Variants in RPS6KA6 observed in about 807,000 individuals in gnomAD.
RPS6KA6 encodes ribosomal protein S6 kinase alpha-6.
In RPS6KA6, 27 loss-of-function variants were observed where a neutral mutation model predicts 65.4. The ratio of observed to expected loss-of-function variants is 0.41; its 90% CI spans 0.30 to 0.57. The LOEUF (loss-of-function observed/expected upper bound fraction) is 0.57. Among genes scored for constraint, RPS6KA6 ranks in the 20% least tolerant of loss-of-function variants. RPS6KA6 has a pLI of 0.24. For synonymous variants in RPS6KA6, 190 were observed against 184.2 expected (o/e 1.03, Z -0.26); for missense variants, 486 against 555.6 (o/e 0.87, Z 1.26).
Position 84,125,793 on chromosome X carries a change from G to C in RPS6KA6, c.647-5766C>G, listed in dbSNP as rs891318391. 1.4e-4 allele frequency among the ~76,000 whole-genome samples: 16 copies of C among 110,508 alleles called. No individual in the cohort carries two copies. The Admixed American group carries it at 1.6e-3, about 11-fold the overall frequency. ...GGCGTGAACCCGGGAGGTGGAGCTT[G>C]CAGTGAGCCAAGATTGCACCACTTC... On this transcript the variant is annotated intron_variant, in intron 8 of 21. Transcript: ENST00000262752.
intron 20 of RPS6KA6, among the ~76,000 whole-genome samples, chrX:84,090,371 A>T (rs2034019266): frequency 8.9e-6 from 1 of 112,086 alleles, no homozygotes; most frequent in African/African-American, 3.2e-5. Flanking sequence ...GGCATTTGAA[A>T]ACTGTGGTAC....
chrX:84,188,004 CGCCGCG>C lies in RPS6KA6; in HGVS notation c.-111_-106del. ...CCGCCGCCGCCGCCGCCGCCGCCGC[CGCCGCG>C]ACCCCCAGCCCCGCCTTCAGCGAGC... On this transcript the variant is annotated 5_prime_UTR_variant, in exon 1 of 22. Coordinates refer to ENST00000262752, the MANE Select transcript of RPS6KA6 (RefSeq NM_014496.5). The C allele has an allele frequency of 1.7e-6, 1 of 594,390 alleles. No homozygotes were observed. The allele number at this position is 594,390 out of a possible 1,213,427, so 49.0% of individuals were successfully genotyped here.
chrX:84,117,428 T>C lies in RPS6KA6; in HGVS notation c.816A>G (p.Pro272=). 8.5e-7 allele frequency: 1 copy of C among 1,170,124 alleles called. No homozygotes were observed. ...TCTCATTTCTGTCTTTACCTTGAAA[T>C]GGCAGAGTACCAGTAAGCATTTCAA... ...LMFEMLTGTL[P]FQGKDRNETM... Residue 272 remains proline (P), a synonymous_variant, in exon 10 of 22, where the codon CCA becomes CCG. Transcript: ENST00000262752.
At chrX:84,089,590 T>A (rs2034000786) in intron 20 of RPS6KA6, among the ~76,000 whole-genome samples, 2 of 110,424 alleles carry the variant, frequency 1.8e-5, no homozygotes, top group African/African-American at 6.6e-5. Context: ...AAGGCCCTGG[T>A]GGCATGGGCT....
chrX:84,154,516 T>C (rs1343296317), intron 3 of RPS6KA6, among the ~76,000 whole-genome samples: 3 of 111,669 alleles, frequency 2.7e-5, no homozygotes, highest in Admixed American at 9.6e-5. Context: ...TCTGTTCTTC[T>C]AAAATTAACA....
chrX:84,133,370 G>C (rs2034937013), intron 8 of RPS6KA6, among the ~76,000 whole-genome samples: 1 of 111,605 alleles, frequency 9.0e-6, no homozygotes, highest in Admixed American at 9.5e-5. Context: ...AGAAATGTTT[G>C]TGCCATTGCA....
At chrX:84,175,999 T>C (rs1256646456) in intron 1 of RPS6KA6, among the ~76,000 whole-genome samples, 1 of 112,081 alleles carries the variant, frequency 8.9e-6, no homozygotes, top group African/African-American at 3.2e-5. Flanking sequence ...GACTAGTAGT[T>C]GTACTACTAT....
At chrX:84,068,187 C>A (rs191220186) in intron 20 of RPS6KA6, among the ~76,000 whole-genome samples, 36 of 111,312 alleles carry the variant, frequency 3.2e-4, no homozygotes, top group African/African-American at 1.1e-3. Context: ...AGACCAATGA[C>A]AATATGAGGA....
chrX:84,177,382 T>C (rs752635809), intron 1 of RPS6KA6, among the ~76,000 whole-genome samples: 5 of 111,666 alleles, frequency 4.5e-5, no homozygotes. Context: ...TATTATATGC[T>C]ACTGTTATCC....
At chrX:84,155,033 C>A (rs1179773120) in intron 3 of RPS6KA6, among the ~76,000 whole-genome samples, 1 of 109,557 alleles carries the variant, frequency 9.1e-6, no homozygotes, top group Non-Finnish European at 1.9e-5. Flanking sequence ...AACCTTGTGT[C>A]CAGAAATTTT....
At position 84,061,677 on chromosome X, in the gene RPS6KA6, TC is replaced by T. The variant is rs1247594949; in HGVS notation, c.*2599del. On this transcript the variant is annotated 3_prime_UTR_variant, in exon 22 of 22. Transcript: ENST00000262752. ...TCTAAGAAAAACAAATTCAATATCC[TC>T]CCCCTTCAAGAACAATAAAACCCCA... 9.3e-6 allele frequency: 1 copy of T among 107,757 alleles called. No individual in the cohort carries two copies. The highest frequency in any genetic ancestry group is 1.0e-4 in the Admixed American group (1 of 9,901). 8.9% of individuals were successfully genotyped at this position (107,757 alleles called of 1,213,427 possible).
At chrX:84,164,192 G>A (rs2035562021) in intron 2 of RPS6KA6, 136 bp downstream of exon 2, 1 of 489,699 alleles carries the variant, frequency 2.0e-6, no homozygotes, top group Non-Finnish European at 3.5e-6. Flanking sequence ...AACTGCAGTT[G>A]AGTTATTAAT....
chrX:84,150,653 G>A (rs148272894), intron 3 of RPS6KA6, among the ~76,000 whole-genome samples: 140 of 108,527 alleles, frequency 1.3e-3, no homozygotes, highest in Middle Eastern at 4.7e-3. Context: ...TTATGTGTGC[G>A]TGGTTCATGG....
chrX:84,136,100 T>C (rs769735222), intron 6 of RPS6KA6, among the ~76,000 whole-genome samples: 122 of 111,983 alleles, frequency 1.1e-3, no homozygotes, highest in Non-Finnish European at 1.8e-3. Context: ...TTATTATAGG[T>C]TTACATCTAA....
intron 8 of RPS6KA6, among the ~76,000 whole-genome samples, chrX:84,123,444 T>C (rs1309691499): frequency 8.9e-6 from 1 of 112,505 alleles, no homozygotes; most frequent in African/African-American, 3.2e-5. Context: ...CTGGGGCATA[T>C]GGGAGCCCAG....
intron 1 of RPS6KA6, among the ~76,000 whole-genome samples, chrX:84,179,546 A>T (rs1247761867): frequency 1.8e-5 from 2 of 111,995 alleles, no homozygotes; most frequent in Non-Finnish European, 3.8e-5. Context: ...ATGAATAAAG[A>T]CCAAATAAAA....
intron 1 of RPS6KA6, among the ~76,000 whole-genome samples, chrX:84,185,192 T>G (rs893907683): frequency 9.0e-6 from 1 of 111,404 alleles, no homozygotes; most frequent in East Asian, 2.8e-4. Context: ...AAGTTCCTAT[T>G]CCCAGTAGAC....
At chrX:84,073,107 A>AT (rs2033583356) in intron 20 of RPS6KA6, among the ~76,000 whole-genome samples, 1 of 111,865 alleles carries the variant, frequency 8.9e-6, no homozygotes. Context: ...AGCTGGAGGC[A>AT]TAACACTGAC....
intron 1 of RPS6KA6, among the ~76,000 whole-genome samples, chrX:84,169,494 T>C (rs1255390623): frequency 3.6e-5 from 4 of 111,255 alleles, no homozygotes; most frequent in Non-Finnish European, 7.5e-5. Flanking sequence ...AACATATGAA[T>C]ACAAATAGTT....
Sources: gnomAD v4.1 joint callset for allele counts (sites outside exome capture counted in the v4.1 genomes callset) on GRCh38, gnomAD v4.1.1 for gene constraint, MANE v1.5 for transcripts, NCBI Gene and HGNC (gene_info 2026-07-23, HGNC 2026-07-21) for gene names.